Variants in ARL15 observed in about 807,000 individuals in gnomAD.
The protein encoded by ARL15 is ARF like GTPase 15, also known as ADP-ribosylation factor-like protein 15.
ARL15 carries 19 observed loss-of-function variants against 25.2 expected under a neutral mutation model. That is an observed-to-expected ratio of 0.75 (90% CI 0.53 to 1.10). The LOEUF (loss-of-function observed/expected upper bound fraction) is 1.10, where lower values mean the gene tolerates loss of function less well. Among genes scored for constraint, ARL15 ranks in the 50% least tolerant of loss-of-function variants. The pLI, the probability that ARL15 is intolerant of heterozygous loss-of-function variation, is 0.00. For synonymous variants in ARL15, 94 were observed against 86.8 expected, an observed-to-expected ratio of 1.08 and a Z score of -0.46; for missense variants, 220 against 246.0, an observed-to-expected ratio of 0.89 and a Z score of 0.71.
intron 4 of ARL15, among the ~76,000 whole-genome samples, chr5:54,029,326 C>A (rs1025831446): frequency 8.8e-6 from 1 of 113,498 alleles, no homozygotes; most frequent in Admixed American, 8.9e-5. Context: ...ACCACCACCA[C>A]CACCACTACC....
rs191293369 is a variant in ARL15, at chr5:54,022,327, C to T, written c.462+90875G>A. On this transcript the variant is annotated intron_variant, in intron 4 of 4. Coordinates refer to ENST00000504924, the MANE Select transcript of ARL15 (RefSeq NM_019087.3). Reference sequence around the variant, plus strand: ...AGGTTTCTCTGACCTTCTCCTCACCCTCCTCCAGTCCCCTGCTGCCCCTGT... The same window carrying T: ...AGGTTTCTCTGACCTTCTCCTCACCTTCCTCCAGTCCCCTGCTGCCCCTGT... Among the ~76,000 whole-genome samples the T allele has an allele frequency of 1.1e-4, 17 of 152,128 alleles. No homozygotes were observed. In the East Asian group the frequency reaches 3.3e-3, roughly 30 times the overall value.
intron 4 of ARL15, among the ~76,000 whole-genome samples, chr5:53,984,165 T>G (rs1442977547): frequency 6.6e-6 from 1 of 152,220 alleles, no homozygotes; most frequent in African/African-American, 2.4e-5. Context: ...AGGACTCATA[T>G]CATGGACTCA....
chr5:54,172,065 T>C, intron 1 of ARL15, 137 bp from the exon 2 acceptor site: 1 of 1,052,356 alleles, frequency 9.5e-7, no homozygotes, highest in Non-Finnish European at 1.3e-6. Flanking sequence ...ACGGTAACTT[T>C]AGAACAGTGA....
chr5:53,999,941 A>G (rs1748800260), intron 4 of ARL15, among the ~76,000 whole-genome samples: 1 of 152,152 alleles, frequency 6.6e-6, no homozygotes, highest in South Asian at 2.1e-4. Context: ...AAAATAAGGG[A>G]AAAAAAGGAA....
intron 4 of ARL15, among the ~76,000 whole-genome samples, chr5:54,009,980 G>A (rs1749180322): frequency 6.6e-6 from 1 of 151,678 alleles, no homozygotes. Context: ...CTTTACTGAG[G>A]AAAAAAACAA....
At chr5:54,190,768 T>C (rs1755375926) in intron 1 of ARL15, among the ~76,000 whole-genome samples, 1 of 152,146 alleles carries the variant, frequency 6.6e-6, no homozygotes, top group South Asian at 2.1e-4. Flanking sequence ...ACATGCACAT[T>C]CAAACCATAA....
At chr5:54,267,934 C>T (rs1315467245) in intron 1 of ARL15, among the ~76,000 whole-genome samples, 1 of 151,670 alleles carries the variant, frequency 6.6e-6, no homozygotes, top group Non-Finnish European at 1.5e-5. Context: ...GTGAATCTGA[C>T]AATTATGTGT....
At position 53,885,573 on chromosome 5, in the gene ARL15, G is replaced by A. The variant is rs1744497846; in HGVS notation, c.*988C>T. ...CATTAACAGATTCCAATAAACTACA[G>A]TAACACGTAATGAATGAATATATAG... is the stretch of plus-strand genomic sequence containing the variant. On this transcript the variant is annotated 3_prime_UTR_variant, in exon 5 of 5. Transcript: ENST00000504924. The A allele has an allele frequency of 6.6e-6, 1 of 152,508 alleles. No homozygotes were observed. Among genetic ancestry groups the A allele is most frequent in the Non-Finnish European group, 1.5e-5 (1 of 68,022 alleles). 9.4% of individuals were successfully genotyped at this position (152,508 alleles called of 1,614,324 possible).
intron 3 of ARL15, chr5:54,154,320 C>CAATG (rs1432122215): frequency 3.2e-6 from 1 of 310,956 alleles, no homozygotes; most frequent in Non-Finnish European, 5.8e-6. Flanking sequence ...CAAGTAAAAC[C>CAATG]AATGAGCTGT....
intron 2 of ARL15, among the ~76,000 whole-genome samples, chr5:54,156,122 T>C (rs909098026): frequency 6.6e-6 from 1 of 152,224 alleles, no homozygotes; most frequent in African/African-American, 2.4e-5. Flanking sequence ...AGGAAATCAT[T>C]ACACACCTTC....
chr5:54,010,981 C>A (rs1362214030), intron 4 of ARL15, among the ~76,000 whole-genome samples: 3 of 138,166 alleles, frequency 2.2e-5, no homozygotes, highest in Admixed American at 7.7e-5. Flanking sequence ...GCCCGGGCGA[C>A]AGAGCAAGGC....
chr5:54,270,175 G>GTC (rs1757745436), intron 1 of ARL15, among the ~76,000 whole-genome samples: 9 of 152,172 alleles, frequency 5.9e-5, no homozygotes, highest in African/African-American at 1.9e-4. Context: ...CTGACAATTT[G>GTC]AGTATATTTT....
intron 4 of ARL15, among the ~76,000 whole-genome samples, chr5:53,960,326 T>C (rs1747320144): frequency 6.6e-6 from 1 of 152,184 alleles, no homozygotes; most frequent in South Asian, 2.1e-4. Flanking sequence ...AATGAAATAA[T>C]CTATCCTTAA....
At chr5:54,031,789 C>T (rs1749993930) in intron 4 of ARL15, among the ~76,000 whole-genome samples, 1 of 152,052 alleles carries the variant, frequency 6.6e-6, no homozygotes, top group Non-Finnish European at 1.5e-5. Context: ...ATGCAGTTTC[C>T]CCATGACACA....
At chr5:54,003,079 GA>G (rs1748899460) in intron 4 of ARL15, among the ~76,000 whole-genome samples, 1 of 152,220 alleles carries the variant, frequency 6.6e-6, no homozygotes, top group Non-Finnish European at 1.5e-5. Context: ...GGCTGTACCT[GA>G]AGCACTGTGG....
At chr5:53,912,881 C>T (rs1285381002) in intron 4 of ARL15, among the ~76,000 whole-genome samples, 2 of 152,238 alleles carry the variant, frequency 1.3e-5, no homozygotes. Context: ...TAGCTACTTA[C>T]ATTCTAATGA....
chr5:54,269,672 G>A (rs1057415729), intron 1 of ARL15, among the ~76,000 whole-genome samples: 2 of 152,250 alleles, frequency 1.3e-5, no homozygotes, highest in South Asian at 2.1e-4. Context: ...TTGAGACGGT[G>A]TCTCGCACTG....
At chr5:54,210,865 A>G (rs1028948843) in intron 1 of ARL15, among the ~76,000 whole-genome samples, 9 of 152,244 alleles carry the variant, frequency 5.9e-5, no homozygotes, top group African/African-American at 2.2e-4. Context: ...GTTGACAAAC[A>G]ACTCATGGTT....
At chr5:54,021,327 C>T (rs574315387) in intron 4 of ARL15, among the ~76,000 whole-genome samples, 1 of 152,066 alleles carries the variant, frequency 6.6e-6, no homozygotes, top group African/African-American at 2.4e-5. Context: ...AAGAGTGAAA[C>T]TCCATTTCAA....
Sources: allele counts gnomAD v4.1 joint callset (sites outside exome capture counted in the v4.1 genomes callset), GRCh38; gene constraint gnomAD v4.1.1; transcripts MANE v1.5; gene names NCBI Gene and HGNC (gene_info 2026-07-23, HGNC 2026-07-21).